PKD1L1: variants seen among roughly 807,000 people sequenced by gnomAD.
PKD1L1 encodes polycystin 1 like 1, transient receptor potential channel interacting.
In PKD1L1, 236 loss-of-function variants were observed where a neutral mutation model predicts 323.4. That is an observed-to-expected ratio of 0.73 (90% CI 0.66 to 0.81). The LOEUF is 0.81. PKD1L1 is among the 40% of genes least tolerant of loss of function. The probability of loss-of-function intolerance (pLI) is 0.00; values close to 1 mark genes in which losing one functional copy is unlikely to be tolerated. For missense variants in PKD1L1, 3,320 were observed against 3,508.0 expected, an observed-to-expected ratio of 0.95 and a Z score of 1.35; for synonymous variants, 1,344 against 1,335.0, an observed-to-expected ratio of 1.01 and a Z score of -0.15.
chr7:47,808,777 T>C (rs183434734), intron 51 of PKD1L1, among the ~76,000 whole-genome samples: 7 of 152,336 alleles, frequency 4.6e-5, no homozygotes, highest in Admixed American at 4.6e-4. Flanking sequence ...GCACTTACGA[T>C]GAATGGCACT....
At chr7:47,891,241 T>C (rs1393579462) in intron 15 of PKD1L1, among the ~76,000 whole-genome samples, 1 of 152,192 alleles carries the variant, frequency 6.6e-6, no homozygotes, top group African/African-American at 2.4e-5. Flanking sequence ...GCACAGCTAG[T>C]GAGGGGTCTG....
chr7:47,872,175 T>C (rs1054971784), intron 24 of PKD1L1, among the ~76,000 whole-genome samples: 1 of 152,192 alleles, frequency 6.6e-6, no homozygotes, highest in African/African-American at 2.4e-5. Flanking sequence ...TTCTACCCCC[T>C]GCAGCAGGAG....
chr7:47,927,617 C>A (rs1002578449), intron 7 of PKD1L1, among the ~76,000 whole-genome samples: 1 of 152,174 alleles, frequency 6.6e-6, no homozygotes, highest in Non-Finnish European at 1.5e-5. Flanking sequence ...TTAGATGGAA[C>A]TGTGAAAGTG....
rs1467280132 is a variant in PKD1L1, at chr7:47,843,174, A to G, written c.5238-5T>C. The G allele has an allele frequency of 3.1e-6, 5 of 1,599,846 alleles. No individual in the cohort carries two copies. The African/African-American group carries it at 6.8e-5, about 22-fold the overall frequency. On this transcript the variant is annotated splice_region_variant and splice_polypyrimidine_tract_variant and intron_variant, in intron 33 of 56. Transcript: ENST00000289672. ...GGAAGCAAGTTTTCTGGGTGGCTAT[A>G]AACAAAAGGAGAGATATAAAGAAAA... is the stretch of plus-strand genomic sequence containing the variant.
intron 34 of PKD1L1, among the ~76,000 whole-genome samples, chr7:47,841,384 A>G (rs755216011): frequency 1.1e-4 from 16 of 152,206 alleles, no homozygotes; most frequent in Non-Finnish European, 2.4e-4. Flanking sequence ...CAGTTTCAAA[A>G]TAAGCCTGGA....
In PKD1L1 at chr7:47,775,168, TAAAAAGA is replaced by T; in HGVS notation, c.8527-9_8527-3del. On this transcript the variant is annotated splice_region_variant and splice_polypyrimidine_tract_variant and intron_variant, in intron 56 of 56. Transcript: ENST00000289672. ...TCAGAAGTCCTTGATGTCTGCTGGC[TAAAAAGA>T]AAAAATGAAAAACATACTGAAACAA... 6.2e-7 allele frequency: 1 copy of T among 1,613,900 alleles called. No individual in the cohort carries two copies. The highest frequency in any genetic ancestry group is 1.7e-5 in the Admixed American group (1 of 59,992).
At chr7:47,807,939 T>G (rs1673623058) in intron 52 of PKD1L1, among the ~76,000 whole-genome samples, 1 of 152,146 alleles carries the variant, frequency 6.6e-6, no homozygotes, top group African/African-American at 2.4e-5. Context: ...AGCGCTAGCC[T>G]CCTTCCTCCA....
chr7:47,780,946 G>A (rs1392471454), intron 56 of PKD1L1, among the ~76,000 whole-genome samples: 8 of 152,146 alleles, frequency 5.3e-5, no homozygotes, highest in Admixed American at 5.2e-4. Context: ...TGGGCGATAA[G>A]TTTTCATGTT....
At chr7:47,915,273 A>T (rs1446031865) in intron 8 of PKD1L1, among the ~76,000 whole-genome samples, 159 bp downstream of exon 8, 3 of 152,206 alleles carry the variant, frequency 2.0e-5, no homozygotes, top group African/African-American at 7.2e-5. Context: ...ATGAGTGGCT[A>T]TAAATTAACC....
rs557798284 is a variant in PKD1L1, at chr7:47,832,780, C to G, written c.6337+310G>C. On this transcript the variant is annotated intron_variant, in intron 41 of 56. Transcript: ENST00000289672. ...CAGCATAATTGGAAGCTGGGACTAT[C>G]GTTCACTGTCATTAGCATTAAAACA... Among the ~76,000 whole-genome samples, 3 of 152,356 alleles carry G rather than the reference C, an allele frequency of 2.0e-5. No homozygotes were observed. The South Asian group carries it at 6.2e-4, about 32-fold the overall frequency.
At chr7:47,929,071 C>G in intron 7 of PKD1L1, 133 bp downstream of exon 7, 3 of 925,540 alleles carry the variant, frequency 3.2e-6, no homozygotes, top group Non-Finnish European at 3.3e-6. Flanking sequence ...AGCTACTATT[C>G]TTGGAGCCAG....
chr7:47,813,150 C>T lies in PKD1L1; in HGVS notation c.7317G>A (p.Glu2439=), dbSNP rs1254002055. The T allele has an allele frequency of 1.2e-6, 2 of 1,613,744 alleles. No homozygotes were observed. The highest frequency in any genetic ancestry group is 4.5e-5 in the East Asian group (2 of 44,890). Residue 2439 remains glutamate, a synonymous_variant, in exon 49 of 57, where the codon GAG becomes GAA. Transcript: ENST00000289672. ...TTCTGCCCAGGCTGAGCACACAGTC[C>T]TCCCTTGTCCCACAGCCCCCAGGAC... ...LNGPGGCGTR[E]DCVLSLGRTR... is the part of the protein sequence containing the mutation.
intron 7 of PKD1L1, among the ~76,000 whole-genome samples, chr7:47,918,195 CA>C (rs1398731075): frequency 6.6e-6 from 1 of 151,978 alleles, no homozygotes; most frequent in Non-Finnish European, 1.5e-5. Context: ...ATTCTCATAT[CA>C]AACAAAACAA....
At chr7:47,864,901 T>C (rs918502195) in intron 26 of PKD1L1, among the ~76,000 whole-genome samples, 10 of 152,106 alleles carry the variant, frequency 6.6e-5, no homozygotes, top group African/African-American at 2.4e-4. Context: ...CTAATTTTTA[T>C]ATTTTTAGTG....
intron 7 of PKD1L1, among the ~76,000 whole-genome samples, chr7:47,928,247 T>G (rs931124581): frequency 1.3e-5 from 2 of 152,176 alleles, no homozygotes; most frequent in Non-Finnish European, 2.9e-5. Flanking sequence ...CATGAGAATG[T>G]ATATGTTCAA....
rs144806104 is a variant in PKD1L1, at chr7:47,808,240, C to A, written c.7827+7G>T. 6 of 1,613,894 alleles carry A rather than the reference C, an allele frequency of 3.7e-6. No individual in the cohort carries two copies. In the Admixed American group the frequency reaches 8.3e-5, roughly 22 times the overall value. On this transcript the variant is annotated splice_region_variant and intron_variant, in intron 52 of 56. Coordinates refer to ENST00000289672, the MANE Select transcript of PKD1L1 (RefSeq NM_138295.5). ...TCTATCTGCATGGCCCTGAGCACAC[C>A]GTGTACCTGATTCCATGATGCCATA... is the stretch of plus-strand genomic sequence containing the variant.
intron 50 of PKD1L1, among the ~76,000 whole-genome samples, chr7:47,810,765 G>A (rs919571606): frequency 3.3e-5 from 5 of 152,206 alleles, no homozygotes; most frequent in African/African-American, 1.2e-4. Flanking sequence ...GTGACTTCTG[G>A]TGTTTTGGAT....
chr7:47,835,836 C>A (rs1293703146), intron 37 of PKD1L1, among the ~76,000 whole-genome samples: 32 of 152,126 alleles, frequency 2.1e-4, no homozygotes, highest in Non-Finnish European at 1.0e-4. Context: ...GTGAAAAAAA[C>A]ACAAGAAATC....
At chr7:47,845,403 G>C (rs1298548749) in intron 32 of PKD1L1, among the ~76,000 whole-genome samples, 1 of 152,200 alleles carries the variant, frequency 6.6e-6, no homozygotes, top group Non-Finnish European at 1.5e-5. Flanking sequence ...TCGGGTCCCA[G>C]TCACAGCCTA....
Sources: gnomAD v4.1 joint callset for allele counts (sites outside exome capture counted in the v4.1 genomes callset) on GRCh38, gnomAD v4.1.1 for gene constraint, MANE v1.5 for transcripts, NCBI Gene and HGNC (gene_info 2026-07-23, HGNC 2026-07-21) for gene names.